Variants in AGAP1 observed in about 807,000 individuals in gnomAD.
AGAP1 encodes the protein ArfGAP with GTPase domain, ankyrin repeat and PH domain 1.
AGAP1 carries 29 observed loss-of-function variants against 105.3 expected under a neutral mutation model. The observed-to-expected ratio is 0.28, with a 90% CI of 0.21 to 0.38. The LOEUF is 0.38. AGAP1 is among the 10% of genes least tolerant of loss of function. The pLI, the probability that AGAP1 is intolerant of heterozygous loss-of-function variation, is 1.00. For synonymous variants in AGAP1, 509 were observed against 485.9 expected (o/e 1.05, Z -0.63); for missense variants, 998 against 1,165.1 (o/e 0.86, Z 2.09).
At chr2:235,826,580 G>T (rs561031844) in intron 9 of AGAP1, among the ~76,000 whole-genome samples, 1 of 152,146 alleles carries the variant, frequency 6.6e-6, no homozygotes, top group East Asian at 1.9e-4. Context: ...CTCCCAAGTA[G>T]CTGGGATTAC....
chr2:235,862,546 C>T (rs563095801), intron 9 of AGAP1, among the ~76,000 whole-genome samples: 1 of 152,318 alleles, frequency 6.6e-6, no homozygotes, highest in East Asian at 1.9e-4. Flanking sequence ...ATGCCATCTG[C>T]CATCACCATG....
intron 1 of AGAP1, among the ~76,000 whole-genome samples, chr2:235,542,485 A>G (rs1412780208): frequency 2.0e-5 from 3 of 152,204 alleles, no homozygotes; most frequent in Non-Finnish European, 2.9e-5. Context: ...AGAAAGTCTC[A>G]TCTCTGTCTG....
intron 1 of AGAP1, among the ~76,000 whole-genome samples, chr2:235,696,378 C>T (rs915671016): frequency 6.6e-5 from 10 of 152,212 alleles, no homozygotes; most frequent in African/African-American, 2.4e-4. Context: ...GGCTTATGAC[C>T]CTTACCCTGA....
At chr2:235,613,999 T>C (rs1221732770) in intron 1 of AGAP1, among the ~76,000 whole-genome samples, 1 of 143,980 alleles carries the variant, frequency 6.9e-6, no homozygotes, top group Non-Finnish European at 1.5e-5. Context: ...ATTCAGAATC[T>C]TTGGTATGGT....
At chr2:235,671,032 G>A (rs1174949150) in intron 1 of AGAP1, 1 of 1,295,444 alleles carries the variant, frequency 7.7e-7, no homozygotes, top group Admixed American at 4.0e-5. Context: ...CCAGCGCCGA[G>A]AGCATCGACG....
At chr2:235,998,067 T>C (rs546534172) in intron 13 of AGAP1, among the ~76,000 whole-genome samples, 1 of 152,334 alleles carries the variant, frequency 6.6e-6, no homozygotes, top group East Asian at 1.9e-4. Context: ...AACAAAGGAT[T>C]GACCAACTTT....
chr2:236,060,650 G>A (rs981558442), intron 16 of AGAP1, among the ~76,000 whole-genome samples: 20 of 151,588 alleles, frequency 1.3e-4, no homozygotes, highest in Middle Eastern at 3.4e-3. Flanking sequence ...AGCCGTGATC[G>A]CACCACTGCA....
chr2:235,933,341 G>A (rs1047305340), intron 12 of AGAP1, among the ~76,000 whole-genome samples: 3 of 152,064 alleles, frequency 2.0e-5, no homozygotes, highest in Non-Finnish European at 4.4e-5. Flanking sequence ...GGTGATAGTT[G>A]GGGTGCAGAA....
At chr2:235,585,776 A>G (rs759484395) in intron 1 of AGAP1, among the ~76,000 whole-genome samples, 12 of 152,238 alleles carry the variant, frequency 7.9e-5, no homozygotes, top group Non-Finnish European at 1.6e-4. Flanking sequence ...TCACACGCCA[A>G]CTTTTACCAC....
intron 6 of AGAP1, among the ~76,000 whole-genome samples, chr2:235,779,929 G>T (rs1003121245): frequency 6.6e-6 from 1 of 152,198 alleles, no homozygotes; most frequent in African/African-American, 2.4e-5. Context: ...TGGAATGTAC[G>T]CTGCAAAGTT....
At position 235,807,307 on chromosome 2, in the gene AGAP1, C is replaced by T. The variant is rs148104642; in HGVS notation, c.1026C>T (p.Ser342=). The T allele has an allele frequency of 1.4e-4, 226 of 1,598,494 alleles. No individual in the cohort carries two copies. The African/African-American group carries it at 2.7e-3, about 19-fold the overall frequency. The part of the protein sequence containing the change: ...GLESRADSIG[S]GRAIPIKQGM... ...AGAGTCGTGCGGACAGCATTGGGAGCGGCCGAGCCATCCCAATTAAACAGG... is the reference window on the plus strand; with the variant it reads ...AGAGTCGTGCGGACAGCATTGGGAGTGGCCGAGCCATCCCAATTAAACAGG... Residue 342 remains serine, a synonymous_variant, in exon 9 of 18, where the codon AGC becomes AGT. Coordinates refer to ENST00000304032, the MANE Select transcript of AGAP1 (RefSeq NM_001037131.3).
rs544893883 is a variant in AGAP1, at chr2:235,626,097, C to G, written c.164-83082C>G. Reference sequence around the variant, plus strand: ...AGTGCGGTGGCTCATGCCTGTAATCCCAGCACTTTGGGAGGCCGAGGCAGG... The same window carrying G: ...AGTGCGGTGGCTCATGCCTGTAATCGCAGCACTTTGGGAGGCCGAGGCAGG... On this transcript the variant is annotated intron_variant, in intron 1 of 17. Transcript: ENST00000304032. Among the ~76,000 whole-genome samples the G allele has an allele frequency of 2.6e-5, 4 of 151,982 alleles. No homozygotes were observed. The South Asian group carries it at 8.3e-4, about 32-fold the overall frequency.
At chr2:235,598,569 G>A (rs1394931182) in intron 1 of AGAP1, among the ~76,000 whole-genome samples, 1 of 152,180 alleles carries the variant, frequency 6.6e-6, no homozygotes, top group Non-Finnish European at 1.5e-5. Context: ...ACTGGATGAC[G>A]TGAAACTAAT....
intron 1 of AGAP1, among the ~76,000 whole-genome samples, chr2:235,693,043 A>G (rs764480395): frequency 2.6e-5 from 4 of 152,078 alleles, no homozygotes; most frequent in Non-Finnish European, 5.9e-5. Context: ...TTGCTGGCCT[A>G]GGGGCCTTCC....
At chr2:236,117,853 C>G (rs1299638654) in intron 16 of AGAP1, among the ~76,000 whole-genome samples, 1 of 152,172 alleles carries the variant, frequency 6.6e-6, no homozygotes, top group Non-Finnish European at 1.5e-5. Flanking sequence ...ATTTCCCAGA[C>G]ATTGTCAGTG....
intron 17 of AGAP1, among the ~76,000 whole-genome samples, chr2:236,122,052 A>T (rs1243158321): frequency 1.3e-5 from 2 of 151,558 alleles, no homozygotes; most frequent in East Asian, 3.9e-4. Flanking sequence ...CCTGGGCTCA[A>T]GCAATCCCCC....
chr2:235,815,080 C>CTGTCCCCCT (rs1958373897), intron 9 of AGAP1, among the ~76,000 whole-genome samples: 1 of 152,178 alleles, frequency 6.6e-6, no homozygotes, highest in African/African-American at 2.4e-5. Context: ...CTTTCCACTG[C>CTGTCCCCCT]TGTCCCCCTT....
chr2:236,125,252 AT>A lies in AGAP1; in HGVS notation c.*1131del, dbSNP rs2059984604. ...ATTTGAATAAAAGAAGTTCATAAAT[AT>A]GCATTGATTTTTGTACAGACAAATG... is the stretch of plus-strand genomic sequence containing the variant. On this transcript the variant is annotated 3_prime_UTR_variant, in exon 18 of 18. Transcript: ENST00000304032. The surrounding 1 kb of genome is among the most constrained non-coding windows in gnomAD (Gnocchi z 5.2). 6.5e-6 allele frequency: 1 copy of A among 153,404 alleles called. No homozygotes were observed. The highest frequency in any genetic ancestry group is 2.1e-4 in the South Asian group (1 of 4,834). The allele number at this position is 153,404 out of a possible 1,614,324, so 9.5% of individuals were successfully genotyped here.
At position 235,502,876 on chromosome 2, in the gene AGAP1, T is replaced by C. The variant is rs374707448; in HGVS notation, c.163+8027T>C. Among the ~76,000 whole-genome samples the C allele has an allele frequency of 1.4e-3, 215 of 152,282 alleles. 1 individual carries two copies. Among genetic ancestry groups the C allele is most frequent in the African/African-American group, 4.8e-3 (201 of 41,558 alleles). ...GATTTCCAGCTTAGGACGAAGCTAC[T>C]GTTACCCTGTTCTCACTCAGATAAT... On this transcript the variant is annotated intron_variant, in intron 1 of 17. Coordinates refer to ENST00000304032, the MANE Select transcript of AGAP1 (RefSeq NM_001037131.3).
Sources: allele counts gnomAD v4.1 joint callset (sites outside exome capture counted in the v4.1 genomes callset), GRCh38; gene constraint gnomAD v4.1.1; non-coding constraint Gnocchi (gnomAD v3.1); transcripts MANE v1.5; gene names NCBI Gene and HGNC (gene_info 2026-07-23, HGNC 2026-07-21).